Variants in MLIP observed in about 807,000 individuals in gnomAD.
MLIP encodes muscular LMNA-interacting protein.
In MLIP, 79 loss-of-function variants were observed where a neutral mutation model predicts 84.8. The ratio of observed to expected loss-of-function variants is 0.93; its 90% CI spans 0.78 to 1.12. MLIP has a LOEUF of 1.12. Among genes scored for constraint, MLIP ranks in the 50% most tolerant of loss-of-function variants. The pLI is 0.00. For missense variants in MLIP, 1,257 were observed against 1,160.6 expected, an observed-to-expected ratio of 1.08 and a Z score of -1.21; for synonymous variants, 504 against 463.0, an observed-to-expected ratio of 1.09 and a Z score of -1.14.
chr6:54,062,463 T>C (rs1258026536), intron 1 of MLIP, among the ~76,000 whole-genome samples: 1 of 152,194 alleles, frequency 6.6e-6, no homozygotes, highest in Non-Finnish European at 1.5e-5. Flanking sequence ...GCCAAGTCAA[T>C]AGCCATCAAA....
intron 12 of MLIP, among the ~76,000 whole-genome samples, chr6:54,247,350 G>A (rs1217024004): frequency 6.6e-6 from 1 of 152,084 alleles, no homozygotes; most frequent in Non-Finnish European, 1.5e-5. Context: ...CATCATAGCT[G>A]TTAGTTTGTG....
intron 1 of MLIP, among the ~76,000 whole-genome samples, chr6:54,104,753 A>T (rs1768891868): frequency 6.6e-6 from 1 of 151,948 alleles, no homozygotes; most frequent in Non-Finnish European, 1.5e-5. Flanking sequence ...TCTTACATTC[A>T]TCAAATATTA....
chr6:54,093,410 G>C (rs890891359), intron 1 of MLIP, among the ~76,000 whole-genome samples: 1 of 103,978 alleles, frequency 9.6e-6, no homozygotes, highest in South Asian at 3.1e-4. Context: ...TATCTAATTC[G>C]TTTTTTAAAA....
chr6:54,040,492 T>C (rs995715608), intron 1 of MLIP, among the ~76,000 whole-genome samples: 18 of 151,976 alleles, frequency 1.2e-4, no homozygotes, highest in African/African-American at 4.3e-4. Context: ...TCAACCACTG[T>C]GGAAAGCAGC....
intron 1 of MLIP, among the ~76,000 whole-genome samples, chr6:54,055,363 T>C (rs1765604733): frequency 6.6e-6 from 1 of 152,222 alleles, no homozygotes; most frequent in Non-Finnish European, 1.5e-5. Context: ...AATGTGGTTT[T>C]CAAAAATCTA....
intron 8 of MLIP, among the ~76,000 whole-genome samples, chr6:54,166,202 T>C (rs1416223864): frequency 1.3e-5 from 2 of 151,970 alleles, no homozygotes; most frequent in Non-Finnish European, 2.9e-5. Context: ...TGTTTGTAGT[T>C]TGGTGGAAGA....
chr6:54,047,909 C>T (rs1260641935), intron 1 of MLIP, among the ~76,000 whole-genome samples: 1 of 152,168 alleles, frequency 6.6e-6, no homozygotes, highest in East Asian at 1.9e-4. Flanking sequence ...ATACAATGTA[C>T]TATATGTAGG....
intron 11 of MLIP, among the ~76,000 whole-genome samples, chr6:54,206,798 A>G (rs1779061976): frequency 6.6e-6 from 1 of 152,190 alleles, no homozygotes; most frequent in East Asian, 1.9e-4. Context: ...CCACATGTTA[A>G]TATTACAGGA....
intron 1 of MLIP, among the ~76,000 whole-genome samples, chr6:54,077,106 G>A (rs1766852991): frequency 6.6e-6 from 1 of 152,068 alleles, no homozygotes; most frequent in East Asian, 1.9e-4. Flanking sequence ...GTTTTGCAGT[G>A]TTTTAGACTT....
chr6:54,206,453 G>A (rs969790473), intron 11 of MLIP, among the ~76,000 whole-genome samples: 1 of 151,754 alleles, frequency 6.6e-6, no homozygotes, highest in Non-Finnish European at 1.5e-5. Flanking sequence ...ACACTTTCCA[G>A]CATGTATGCC....
At chr6:54,089,530 C>A (rs188898093) in intron 1 of MLIP, among the ~76,000 whole-genome samples, 1 of 152,242 alleles carries the variant, frequency 6.6e-6, no homozygotes, top group East Asian at 1.9e-4. Context: ...AGTTCTATAT[C>A]TGATGGATGG....
chr6:54,160,451 C>T lies in MLIP; in HGVS notation c.2355+19C>T. 6.2e-7 allele frequency: 1 copy of T among 1,611,832 alleles called. No homozygotes were observed. Among genetic ancestry groups the T allele is most frequent in the Non-Finnish European group, 8.5e-7 (1 of 1,178,800 alleles). ...AGTGGAGGTAATAACTTCAGATTACCCCTGCTTTTGGTATGCAATTCCAAA... is the reference window on the plus strand; with the variant it reads ...AGTGGAGGTAATAACTTCAGATTACTCCTGCTTTTGGTATGCAATTCCAAA... On this transcript the variant is annotated intron_variant, in intron 6 of 13. Coordinates refer to ENST00000502396, the MANE Select transcript of MLIP (RefSeq NM_001281747.2).
intron 1 of MLIP, among the ~76,000 whole-genome samples, chr6:54,090,292 G>T (rs185200808): frequency 3.3e-5 from 5 of 152,188 alleles, no homozygotes; most frequent in East Asian, 1.9e-4. Flanking sequence ...GAGTCCATCA[G>T]CTATCTTATT....
intron 12 of MLIP, among the ~76,000 whole-genome samples, chr6:54,249,732 C>CATAT (rs761644366): frequency 0.13 from 18,297 of 138,856 alleles, 1,250 homozygotes; most frequent in African/African-American, 0.22. Context: ...CACACACACA[C>CATAT]ACATATATAT....
intron 1 of MLIP, among the ~76,000 whole-genome samples, chr6:54,078,413 G>A (rs965939670): frequency 2.0e-5 from 3 of 152,124 alleles, no homozygotes. Flanking sequence ...GCAATGTAGT[G>A]AAACCCTGTC....
At chr6:54,244,639 C>T (rs1249965321) in intron 12 of MLIP, among the ~76,000 whole-genome samples, 1 of 152,112 alleles carries the variant, frequency 6.6e-6, no homozygotes, top group African/African-American at 2.4e-5. Context: ...GAATACATGC[C>T]TTAATGACAG....
intron 1 of MLIP, among the ~76,000 whole-genome samples, chr6:54,020,833 C>T (rs1763455802): frequency 1.3e-5 from 2 of 152,242 alleles, no homozygotes; most frequent in Non-Finnish European, 2.9e-5. Context: ...GGCGGCACAT[C>T]AGAGGCATAC....
intron 13 of MLIP, among the ~76,000 whole-genome samples, chr6:54,264,834 C>A: frequency 6.6e-6 from 1 of 151,988 alleles, no homozygotes; most frequent in East Asian, 1.9e-4. Flanking sequence ...TTTCTATGGC[C>A]AGAACAAACC....
At chr6:54,180,614 A>C (rs941731158) in intron 9 of MLIP, among the ~76,000 whole-genome samples, 1 of 152,122 alleles carries the variant, frequency 6.6e-6, no homozygotes, top group Admixed American at 6.5e-5. Flanking sequence ...CAGTTTTGCT[A>C]TTAAAGGACT....
Sources: allele counts gnomAD v4.1 joint callset (sites outside exome capture counted in the v4.1 genomes callset), GRCh38; gene constraint gnomAD v4.1.1; transcripts MANE v1.5; gene names NCBI Gene and HGNC (gene_info 2026-07-23, HGNC 2026-07-21).